Variants in ANKRD34B observed in about 807,000 individuals in gnomAD.
ANKRD34B encodes the protein ankyrin repeat domain-containing protein 34B.
In ANKRD34B, 2 loss-of-function variants were observed where a neutral mutation model predicts 4.4. The ratio of observed to expected loss-of-function variants is 0.46; its 90% CI spans 0.19 to 1.44. The LOEUF (loss-of-function observed/expected upper bound fraction) is 1.44. Ranked by LOEUF, ANKRD34B falls within the 40% of genes most tolerant of loss-of-function variation. The probability of loss-of-function intolerance (pLI) is 0.26; values close to 1 mark genes in which losing one functional copy is unlikely to be tolerated. For synonymous variants in ANKRD34B, 226 were observed against 227.1 expected, an observed-to-expected ratio of 0.99 and a Z score of 0.05; for missense variants, 558 against 604.7, an observed-to-expected ratio of 0.92 and a Z score of 0.81.
intron 2 of ANKRD34B, among the ~76,000 whole-genome samples, chr5:80,567,385 C>T (rs921388914): frequency 7.9e-5 from 12 of 151,084 alleles, no homozygotes; most frequent in African/African-American, 1.2e-4. Flanking sequence ...TTTGGGAGGC[C>T]GAGGGGGAGC....
intron 2 of ANKRD34B, among the ~76,000 whole-genome samples, chr5:80,567,777 T>A (rs1746619920): frequency 6.6e-6 from 1 of 152,018 alleles, no homozygotes; most frequent in Admixed American, 6.6e-5. Flanking sequence ...GAACTCAAAA[T>A]TCAGCCCGTC....
intron 4 of ANKRD34B, among the ~76,000 whole-genome samples, chr5:80,562,555 G>C (rs911528488): frequency 1.2e-4 from 19 of 152,204 alleles, no homozygotes; most frequent in African/African-American, 4.3e-4. Flanking sequence ...GCTTGGCTTC[G>C]AGGAGGCCGG....
At chr5:80,566,822 G>A (rs553275778) in intron 2 of ANKRD34B, 48 bp from the exon 3 acceptor site, 1 of 152,754 alleles carries the variant, frequency 6.5e-6, no homozygotes, top group South Asian at 2.1e-4. Context: ...CCAATAATTT[G>A]TTACATGCAT....
In ANKRD34B at chr5:80,558,945, C is replaced by T; in HGVS notation, c.1075G>A (p.Val359Ile). The T allele has an allele frequency of 6.2e-7, 1 of 1,614,178 alleles. No homozygotes were observed. Among genetic ancestry groups the T allele is most frequent in the South Asian group, 1.1e-5 (1 of 91,090 alleles). ...TIFASTLRSI[V>I]QKRNLGANHY... is the part of the protein sequence containing the mutation. ...TTTGCCCCCAAGTTTCTTTTTTGAACTATACTTCTTAAGGTGGAAGCAAAT... is the reference window on the plus strand; with the variant it reads ...TTTGCCCCCAAGTTTCTTTTTTGAATTATACTTCTTAAGGTGGAAGCAAAT... Residue 359 changes from valine to isoleucine, a missense_variant, in exon 5 of 5, where the codon GTT becomes ATT. Val to Ile is a conservative substitution (Grantham distance 29, BLOSUM62 3). Coordinates refer to ENST00000338682, the MANE Select transcript of ANKRD34B (RefSeq NM_001004441.3).
intron 4 of ANKRD34B, among the ~76,000 whole-genome samples, chr5:80,563,394 T>C (rs1023176328): frequency 1.3e-5 from 2 of 152,244 alleles, no homozygotes; most frequent in Non-Finnish European, 2.9e-5. Context: ...TATTGTAAAA[T>C]AGAATGTGTG....
At chr5:80,565,424 T>C (rs1746535599) in intron 3 of ANKRD34B, among the ~76,000 whole-genome samples, 1 of 152,248 alleles carries the variant, frequency 6.6e-6, no homozygotes, top group African/African-American at 2.4e-5. Flanking sequence ...CAGTTGTACC[T>C]TCGATACAGA....
chr5:80,564,564 C>A (rs564288611), intron 3 of ANKRD34B: 2 of 152,326 alleles, frequency 1.3e-5, no homozygotes, highest in African/African-American at 4.8e-5. Flanking sequence ...AACCAACTCG[C>A]TGCCTAATCC....
intron 3 of ANKRD34B, among the ~76,000 whole-genome samples, chr5:80,565,517 A>C (rs1746538113): frequency 6.6e-6 from 1 of 152,264 alleles, no homozygotes; most frequent in African/African-American, 2.4e-5. Context: ...GCCCTGATCA[A>C]GTCTCTCAGC....
At chr5:80,563,473 G>A (rs1746465296) in intron 4 of ANKRD34B, among the ~76,000 whole-genome samples, 1 of 152,130 alleles carries the variant, frequency 6.6e-6, no homozygotes, top group Non-Finnish European at 1.5e-5. Flanking sequence ...GTCCTATTAG[G>A]TCTTCCTTTT....
intron 2 of ANKRD34B, 35 bp downstream of exon 2, chr5:80,568,925 C>CACACAGAGAGAGAGAGAGAGAG: frequency 4.0e-5 from 2 of 49,850 alleles, no homozygotes; most frequent in African/African-American, 6.7e-5. Context: ...CACACACACA[C>CACACAGAGAGAGAGAGAGAGAG]AGAGAGAGAG....
In ANKRD34B at chr5:80,558,669, G is replaced by T; in HGVS notation, c.1351C>A (p.Pro451Thr). 1 of 1,614,122 alleles carries T rather than the reference G, an allele frequency of 6.2e-7. No individual in the cohort carries two copies. The highest frequency in any genetic ancestry group is 8.5e-7 in the Non-Finnish European group (1 of 1,180,016). The change falls in exon 5 of 5, where the codon CCC becomes ACC. Residue 451 changes from proline to threonine, a missense_variant. Transcript: ENST00000338682. Reference protein sequence around the residue: ...VTQTRQGFLPPLNVNSHPPIS... With the variant: ...VTQTRQGFLPTLNVNSHPPIS... ...GGAGGGTGAGAATTTACATTTAAGG[G>T]TGGGAGAAACCCTTGTCTGGTTTGG... is the stretch of plus-strand genomic sequence containing the variant.
intron 2 of ANKRD34B, among the ~76,000 whole-genome samples, chr5:80,568,360 G>C (rs1170250133): frequency 1.3e-5 from 2 of 152,230 alleles, no homozygotes; most frequent in Non-Finnish European, 1.5e-5. Flanking sequence ...TGCGATGCTC[G>C]GCTCCCCTGC....
In ANKRD34B at chr5:80,559,868, C is replaced by T. The variant is rs1196661568; in HGVS notation, c.152G>A (p.Cys51Tyr). ...CTGGTGATCGACATGTTTGGTCTTACAAGCGATCATTAAAGGGGTTTCCCC... is the reference window on the plus strand; with the variant it reads ...CTGGTGATCGACATGTTTGGTCTTATAAGCGATCATTAAAGGGGTTTCCCC... The part of the protein sequence containing the change: ...DRGETPLMIA[C>Y]KTKHVDHQSV... Residue 51 changes from cysteine to tyrosine, a missense_variant, in exon 5 of 5, where the codon TGT (cysteine) becomes TAT (tyrosine). Physicochemically the swap from Cys to Tyr is radical, Grantham distance 194 (BLOSUM62 -2). Coordinates refer to ENST00000338682, the MANE Select transcript of ANKRD34B (RefSeq NM_001004441.3). 6 of 1,614,218 alleles carry T rather than the reference C, an allele frequency of 3.7e-6. No individual in the cohort carries two copies. Among genetic ancestry groups the T allele is most frequent in the Non-Finnish European group, 5.1e-6 (6 of 1,180,042 alleles).
chr5:80,561,365 C>G (rs1746401357), intron 4 of ANKRD34B, among the ~76,000 whole-genome samples: 1 of 152,006 alleles, frequency 6.6e-6, no homozygotes, highest in African/African-American at 2.4e-5. Flanking sequence ...ATTGTTTATT[C>G]TACCTATTTA....
chr5:80,569,218 G>C (rs993535635), intron 1 of ANKRD34B, 111 bp from the exon 2 acceptor site: 10 of 152,376 alleles, frequency 6.6e-5, no homozygotes, highest in African/African-American at 1.7e-4. Context: ...GCAGCTGGCG[G>C]GCTAAGGCGA....
rs780854492 is a variant in ANKRD34B, at chr5:80,559,348, C to T, written c.672G>A (p.Trp224Ter). Residue 224 changes from tryptophan to a stop codon, truncating the protein, a stop_gained, in exon 5 of 5, where the codon TGG becomes TGA. Coordinates refer to ENST00000338682, the MANE Select transcript of ANKRD34B (RefSeq NM_001004441.3). LOFTEE classifies it low-confidence loss of function (END_TRUNC). ...LELAGSNDDT[W>*]DPGSPVRKPA... ...GTTTCCTCACAGGGGAACCTGGGTC[C>T]CAGGTATCATCATTGCTTCCAGCAA... 1.9e-6 allele frequency: 3 copies of T among 1,614,120 alleles called. No homozygotes were observed. In the South Asian group the frequency reaches 3.3e-5, roughly 18 times the overall value.
At position 80,557,818 on chromosome 5, in the gene ANKRD34B, G is replaced by C. The variant is rs1233961635; in HGVS notation, c.*657C>G. On this transcript the variant is annotated 3_prime_UTR_variant, in exon 5 of 5. Transcript: ENST00000338682. ...TGCACAAACAACAAGACCCGGCATA[G>C]ATTACTAGTAGGTTGTAAAACTCTG... The C allele has an allele frequency of 1.3e-5, 2 of 152,288 alleles. No homozygotes were observed. Among genetic ancestry groups the C allele is most frequent in the East Asian group, 3.9e-4 (2 of 5,182 alleles). The allele number at this position is 152,288 out of a possible 1,614,324, so 9.4% of individuals were successfully genotyped here.
In ANKRD34B at chr5:80,559,290, G is replaced by T. The variant is rs374500278; in HGVS notation, c.730C>A (p.His244Asn). The change falls in exon 5 of 5, where the codon CAC becomes AAC. Residue 244 changes from histidine (H) to asparagine (N), a missense_variant. Physicochemically the swap from His to Asn is moderately conservative, Grantham distance 68. Coordinates refer to ENST00000338682, the MANE Select transcript of ANKRD34B (RefSeq NM_001004441.3). ...ALAPKGPKLP[H>N]APPWVKSPPL... ...GGACTCTTGACCCAGGGTGGAGCGTGGGGGAGCTTGGGCCCCTTAGGGGCC... is the reference window on the plus strand; with the variant it reads ...GGACTCTTGACCCAGGGTGGAGCGTTGGGGAGCTTGGGCCCCTTAGGGGCC... 1.2e-5 allele frequency: 20 copies of T among 1,614,056 alleles called. No homozygotes were observed. The highest frequency in any genetic ancestry group is 1.5e-5 in the Non-Finnish European group (18 of 1,180,026).
chr5:80,560,784 A>G (rs1746387979), intron 4 of ANKRD34B, among the ~76,000 whole-genome samples: 1 of 152,242 alleles, frequency 6.6e-6, no homozygotes, highest in South Asian at 2.1e-4. Context: ...CTTTAGTATT[A>G]CATTACTTAA....
Sources: gnomAD v4.1 joint callset for allele counts (sites outside exome capture counted in the v4.1 genomes callset) on GRCh38, gnomAD v4.1.1 for gene constraint, MANE v1.5 for transcripts, NCBI Gene and HGNC (gene_info 2026-07-23, HGNC 2026-07-21) for gene names.